ACBD4: variants seen among roughly 807,000 people sequenced by gnomAD.
ACBD4 encodes the protein acyl-CoA binding domain containing 4, also known as acyl-CoA-binding domain-containing protein 4.
A neutral mutation model predicts 46.0 loss-of-function variants in ACBD4; 41 were observed. The observed-to-expected ratio is 0.89, with a 90% CI of 0.69 to 1.16. ACBD4 has a LOEUF of 1.16. ACBD4 is among the 50% of genes most tolerant of loss of function. ACBD4 has a pLI of 0.00. For synonymous variants in ACBD4, 162 were observed against 155.9 expected (o/e 1.04, Z -0.29); for missense variants, 393 against 399.5 (o/e 0.98, Z 0.14).
rs949600570 is a variant in ACBD4 at position 45,137,767 on chromosome 17, T to C, written c.510T>C (p.His170=). ...CTACCAACCCCTCCACAGAGTCCCATTCACCCAGGGACCTGGACTCCGAGG... is the reference window on the plus strand; with the variant it reads ...CTACCAACCCCTCCACAGAGTCCCACTCACCCAGGGACCTGGACTCCGAGG... ...KEPAPPSPES[H]SPRDLDSEVF... The change falls in exon 7 of 10, where the codon CAT becomes CAC. Residue 170 remains histidine, a synonymous_variant. Coordinates refer to ENST00000321854, the MANE Select transcript of ACBD4 (RefSeq NM_001135705.3). 6.2e-7 allele frequency: 1 copy of C among 1,613,932 alleles called. No homozygotes were observed. Among genetic ancestry groups the C allele is most frequent in the South Asian group, 1.1e-5 (1 of 91,086 alleles).
chr17:45,137,852 C>T (rs561115754), intron 7 of ACBD4, 22 bp downstream of exon 7: 1 of 1,613,048 alleles, frequency 6.2e-7, no homozygotes, highest in Admixed American at 1.7e-5. Context: ...CCCCATTCCC[C>T]CCTTTTCCCA....
Position 45,141,468 on chromosome 17 carries a change from G to A in ACBD4, c.790-1975G>A, listed in dbSNP as rs1200196768. On this transcript the variant is annotated intron_variant, in intron 9 of 9. Coordinates refer to ENST00000321854, the MANE Select transcript of ACBD4 (RefSeq NM_001135705.3). ...TTTGGGAGGCTGAGGCAGGCAGATC[G>A]CTTGAGCCCAGGAGCTTGAGACCAG... Among the ~76,000 whole-genome samples the A allele has an allele frequency of 1.3e-5, 2 of 152,088 alleles. 1 individual carries two copies. The highest frequency in any genetic ancestry group is 2.9e-5 in the Non-Finnish European group (2 of 68,004).
chr17:45,142,823 T>G, intron 9 of ACBD4: 1 of 154,444 alleles, frequency 6.5e-6, no homozygotes, highest in Non-Finnish European at 1.4e-5. Flanking sequence ...CCCAAAGTGC[T>G]GGGATGACAG....
intron 6 of ACBD4, 28 bp downstream of exon 6, chr17:45,137,482 C>G (rs755978060): frequency 1.6e-5 from 25 of 1,593,200 alleles, no homozygotes; most frequent in Non-Finnish European, 1.7e-5. Context: ...AGGGGTGGAC[C>G]AAACTCAGGC....
chr17:45,133,669 C>G (rs1378905022), upstream of ACBD4, among the ~76,000 whole-genome samples: 2 of 149,220 alleles, frequency 1.3e-5, no homozygotes, highest in African/African-American at 4.9e-5. Flanking sequence ...GTAGCTGGGA[C>G]TACAGGCGCC....
upstream of ACBD4, chr17:45,132,273 G>T: frequency 1.6e-6 from 2 of 1,274,788 alleles, no homozygotes; most frequent in East Asian, 5.8e-5. This position sits in a 1 kb window ranked among gnomAD's most constrained non-coding sequence, Gnocchi z 4.6. Flanking sequence ...CCCGCAGCCC[G>T]GGCCTCTTGG....
Position 45,136,481 on chromosome 17 carries a change from T to A in ACBD4, c.89-19T>A, listed in dbSNP as rs771900960. On this transcript the variant is annotated intron_variant, in intron 2 of 9. Coordinates refer to ENST00000321854, the MANE Select transcript of ACBD4 (RefSeq NM_001135705.3). ...GCTGGGAGTGATGCTTTGCCCTGGC[T>A]TCCCAACTCTCTGCCCAGGTTCTTA... The A allele has an allele frequency of 1.2e-6, 2 of 1,607,342 alleles. No individual in the cohort carries two copies. Among genetic ancestry groups the A allele is most frequent in the South Asian group, 2.2e-5 (2 of 90,420 alleles).
upstream of ACBD4, chr17:45,133,194 A>AC (rs975095301): frequency 7.2e-5 from 11 of 152,342 alleles, no homozygotes; most frequent in East Asian, 5.8e-4. Context: ...CGCGACGTCA[A>AC]CCCGTGGGTG....
upstream of ACBD4, chr17:45,135,220 C>A (rs969963998): frequency 6.6e-6 from 1 of 152,306 alleles, no homozygotes; most frequent in African/African-American, 2.4e-5. Context: ...CCCGCCTTGG[C>A]CTCCCAAAGT....
Position 45,139,055 on chromosome 17 carries a change from G to T in ACBD4, c.684G>T (p.Glu228Asp), listed in dbSNP as rs1198891031. 1.2e-6 allele frequency: 2 copies of T among 1,613,690 alleles called. No homozygotes were observed. The highest frequency in any genetic ancestry group is 4.5e-5 in the East Asian group (2 of 44,890). The change falls in exon 9 of 10, where the codon GAG becomes GAT. Residue 228 changes from glutamate to aspartate, a missense_variant. Transcript: ENST00000321854. ...GGGGCAGCCCGCCGGGGCCCCAGGA[G>T]TTGGACGTGTGGCTGCTGGGGACAG... is the stretch of plus-strand genomic sequence containing the variant. ...GLRGSPPGPQELDVWLLGTVR... is the reference protein window; with the variant it reads ...GLRGSPPGPQDLDVWLLGTVR...
intron 6 of ACBD4, 86 bp downstream of exon 6, chr17:45,137,540 C>T (rs779979781): frequency 9.4e-6 from 14 of 1,489,710 alleles, no homozygotes; most frequent in Non-Finnish European, 1.3e-5. Flanking sequence ...CTGTGCCCTC[C>T]ACAGACACTG....
At chr17:45,138,682 G>A (rs561719515) in intron 8 of ACBD4, 9 of 294,530 alleles carry the variant, frequency 3.1e-5, no homozygotes, top group African/African-American at 1.9e-4. Flanking sequence ...CAGGTATTCG[G>A]GAGGCTGAGG....
At chr17:45,139,648 C>T (rs573799448) in intron 9 of ACBD4, among the ~76,000 whole-genome samples, 7 of 152,316 alleles carry the variant, frequency 4.6e-5, no homozygotes, top group East Asian at 3.9e-4. Context: ...CCGCTGGGTG[C>T]GAAACACTCA....
intron 6 of ACBD4, 98 bp downstream of exon 6, chr17:45,137,552 G>A: frequency 4.2e-6 from 6 of 1,441,770 alleles, no homozygotes; most frequent in East Asian, 2.3e-5. Flanking sequence ...CAGACACTGA[G>A]ACTTCCTGTG....
Position 45,139,251 on chromosome 17 carries a change from C to T in ACBD4, c.789+91C>T, listed in dbSNP as rs1025338570. The T allele has an allele frequency of 3.9e-5, 51 of 1,304,052 alleles. No individual in the cohort carries two copies. The African/African-American group carries it at 6.1e-4, about 16-fold the overall frequency. The allele number at this position is 1,304,052 out of a possible 1,614,324, so 80.8% of individuals were successfully genotyped here. On this transcript the variant is annotated intron_variant, in intron 9 of 9. Coordinates refer to ENST00000321854, the MANE Select transcript of ACBD4 (RefSeq NM_001135705.3). The stretch of plus-strand genomic sequence containing the variant: ...CCAGCCACTTTTGTTTTTGTCCTCA[C>T]GCCTCCACCTGCCCACATCTCTCTC...
upstream of ACBD4, among the ~76,000 whole-genome samples, chr17:45,133,520 CTTTTTTTTTTT>C (rs10569248): frequency 8.1e-5 from 6 of 73,846 alleles, no homozygotes; most frequent in Admixed American, 5.4e-4. Context: ...CCTGAATTTT[CTTTTTTTTTTT>C]TTTTTTTTTT....
At chr17:45,136,030 C>A in intron 1 of ACBD4, 77 bp downstream of exon 1, 1 of 1,085,936 alleles carries the variant, frequency 9.2e-7, no homozygotes, top group Non-Finnish European at 1.3e-6. Flanking sequence ...TTAGTTTGCC[C>A]CTCTGGGAAG....
upstream of ACBD4, among the ~76,000 whole-genome samples, chr17:45,131,697 C>T (rs2054451081): frequency 6.6e-6 from 1 of 152,256 alleles, no homozygotes; most frequent in African/African-American, 2.4e-5. Context: ...TTCTCCACGA[C>T]TGACTTCCCC....
upstream of ACBD4, chr17:45,132,221 C>T (rs1567887799): frequency 6.4e-6 from 8 of 1,255,350 alleles, no homozygotes; most frequent in East Asian, 3.0e-5. This position sits in a 1 kb window ranked among gnomAD's most constrained non-coding sequence, Gnocchi z 4.6. Flanking sequence ...TCCGCGCCCA[C>T]CCCACCGCCC....
Sources: gnomAD v4.1 joint callset for allele counts (sites outside exome capture counted in the v4.1 genomes callset) on GRCh38, gnomAD v4.1.1 for gene constraint, Gnocchi (gnomAD v3.1) non-coding constraint, MANE v1.5 for transcripts, NCBI Gene and HGNC (gene_info 2026-07-23, HGNC 2026-07-21) for gene names.